Variants in MAX observed in about 807,000 individuals in gnomAD.
The protein encoded by MAX is protein max.
Under a neutral mutation model 22.3 loss-of-function variants are expected in MAX, and 3 were observed. That is an observed-to-expected ratio of 0.13 (90% CI 0.06 to 0.35). The LOEUF (loss-of-function observed/expected upper bound fraction) is 0.35. Among genes scored for constraint, MAX ranks in the 10% least tolerant of loss-of-function variants. The pLI, the probability that MAX is intolerant of heterozygous loss-of-function variation, is 1.00. For synonymous variants in MAX, 72 were observed against 77.7 expected (o/e 0.93, Z 0.39); for missense variants, 119 against 209.4 (o/e 0.57, Z 2.66).
chr14:65,017,215 A>G (rs904800323), intron 3 of MAX, among the ~76,000 whole-genome samples: 1 of 152,158 alleles, frequency 6.6e-6, no homozygotes, highest in African/African-American at 2.4e-5. Flanking sequence ...GAGCCACCAC[A>G]TCCAGCCTCG....
chr14:65,102,275 C>T, intron 1 of MAX, 29 bp downstream of exon 1: 1 of 1,613,430 alleles, frequency 6.2e-7, no homozygotes, highest in Non-Finnish European at 8.5e-7. Flanking sequence ...TGACAACCCG[C>T]ACGGGAAGGA....
Position 65,011,403 on chromosome 14 carries a change from T to C in MAX, c.172-5119A>G, listed in dbSNP as rs2061680693. 7.8e-6 allele frequency among the ~76,000 whole-genome samples: 1 copy of C among 128,654 alleles called. No individual in the cohort carries two copies. Among genetic ancestry groups the C allele is most frequent in the Non-Finnish European group, 1.5e-5 (1 of 65,296 alleles). 84.4% of individuals were successfully genotyped at this position (128,654 alleles called of 152,430 possible). A position where few individuals can be genotyped will look rare whatever the true frequency, so the allele number is the denominator to read the frequency against. On this transcript the variant is annotated intron_variant, in intron 3 of 3. Coordinates refer to the MAX transcript ENST00000341653. This position sits in a 1 kb window ranked among gnomAD's most constrained non-coding sequence, Gnocchi z 4.0. ...GAAATCACACCACTGCACTCCAGCC[T>C]GGGTGACAGAGCGAGACTCCGTCTC...
At chr14:65,040,946 C>G (rs2062338286) in intron 3 of MAX, 1 of 1,609,880 alleles carries the variant, frequency 6.2e-7, no homozygotes, top group East Asian at 2.2e-5. Flanking sequence ...CCATCCCCCT[C>G]TCAGGCCCCA....
chr14:65,006,321 G>A, intron 3 of MAX: 1 of 1,610,158 alleles, frequency 6.2e-7, no homozygotes, highest in Non-Finnish European at 8.5e-7. Flanking sequence ...CAGCTTACTA[G>A]TATAGTCTTT....
rs1412389699 is a variant in MAX, at chr14:65,069,176, G to C, written c.171+24532C>G. On this transcript the variant is annotated intron_variant, in intron 3 of 3. Transcript: ENST00000341653. This position sits in a 1 kb window ranked among gnomAD's most constrained non-coding sequence, Gnocchi z 4.6. The stretch of plus-strand genomic sequence containing the variant: ...CCTGGATACCAAGGGACCAGTGAAA[G>C]TGGTGGAATAGAATCGTGACCCAAC... Among the ~76,000 whole-genome samples the C allele has an allele frequency of 6.6e-6, 1 of 152,216 alleles. No individual in the cohort carries two copies. The highest frequency in any genetic ancestry group is 1.5e-5 in the Non-Finnish European group (1 of 68,026).
At chr14:65,026,614 C>T (rs1180986062) in intron 3 of MAX, among the ~76,000 whole-genome samples, 1 of 152,178 alleles carries the variant, frequency 6.6e-6, no homozygotes, top group Admixed American at 6.5e-5. Flanking sequence ...AATCCCAGCA[C>T]TTGCAGAGGC....
intron 1 of MAX, 100 bp downstream of exon 1, chr14:65,102,204 G>T: frequency 6.4e-7 from 1 of 1,568,990 alleles, no homozygotes; most frequent in Middle Eastern, 1.9e-4. Context: ...GGAAGGAGGC[G>T]GCGGCAGCCC....
chr14:65,044,226 C>T lies in MAX; in HGVS notation c.172-37942G>A, dbSNP rs2062425132. Reference sequence around the variant, plus strand: ...GCCACAAGATGGGAAACCCTCCATCCCACAGATTGACTCCTGGAGATTCTG... The same window carrying T: ...GCCACAAGATGGGAAACCCTCCATCTCACAGATTGACTCCTGGAGATTCTG... On this transcript the variant is annotated intron_variant, in intron 3 of 3. Transcript: ENST00000341653. This position sits in a 1 kb window ranked among gnomAD's most constrained non-coding sequence, Gnocchi z 5.5. 1.9e-6 allele frequency: 3 copies of T among 1,598,956 alleles called. No homozygotes were observed. In the African/African-American group the frequency reaches 4.1e-5, roughly 22 times the overall value.
intron 3 of MAX, among the ~76,000 whole-genome samples, chr14:65,037,005 C>T (rs188586218): frequency 3.4e-4 from 52 of 152,150 alleles, no homozygotes; most frequent in African/African-American, 1.2e-3. Context: ...ATTCATTTTG[C>T]TGGGCACTCG....
At chr14:65,033,117 C>T (rs753882215) in intron 3 of MAX, among the ~76,000 whole-genome samples, 37 of 151,868 alleles carry the variant, frequency 2.4e-4, no homozygotes, top group Admixed American at 3.9e-4. Context: ...CTCATAAGCA[C>T]GAGATGGGTA....
At chr14:65,026,854 C>G (rs1378828661) in intron 3 of MAX, among the ~76,000 whole-genome samples, 1 of 151,556 alleles carries the variant, frequency 6.6e-6, no homozygotes, top group Admixed American at 6.6e-5. Context: ...CGAGGGCAAC[C>G]CCGCCTCAAA....
At chr14:65,039,950 A>T (rs2139621540) in intron 3 of MAX, among the ~76,000 whole-genome samples, 1 of 152,296 alleles carries the variant, frequency 6.6e-6, no homozygotes, top group South Asian at 2.1e-4. Context: ...ACGCTTTGGG[A>T]TGCTGGGGTG....
intron 3 of MAX, among the ~76,000 whole-genome samples, chr14:65,060,869 T>TC (rs1566584840): frequency 2.3e-5 from 1 of 42,966 alleles, no homozygotes; most frequent in Non-Finnish European, 3.7e-5. Context: ...CAAGACTCTC[T>TC]CAAAAAAAAA....
intron 3 of MAX, among the ~76,000 whole-genome samples, chr14:65,051,142 A>G (rs894608299): frequency 3.9e-5 from 6 of 152,160 alleles, no homozygotes; most frequent in Admixed American, 2.6e-4. Context: ...TGTGTCTCTT[A>G]ATGGGTGTTT....
In MAX at chr14:65,014,059, T is replaced by TG. The variant is rs1211699987; in HGVS notation, c.172-7776dup. ...TCCAGGTGGTGGGTTAGCCACAGCT[T>TG]GGGATATCAGCATAGTTTTGAAGAG... On this transcript the variant is annotated intron_variant, in intron 3 of 3. Transcript: ENST00000341653. The surrounding 1 kb of genome is among the most constrained non-coding windows in gnomAD (Gnocchi z 5.1). 1.3e-5 allele frequency among the ~76,000 whole-genome samples: 2 copies of TG among 152,170 alleles called. No homozygotes were observed.
Position 65,059,639 on chromosome 14 carries a change from CCTT to C in MAX, c.171+34066_171+34068del, listed in dbSNP as rs2062816367. The stretch of plus-strand genomic sequence containing the variant: ...TAAAATCTCTCCTGCAGTTGTGTCC[CCTT>C]CTTCATTATCCCACAGTGGGAGAAT... On this transcript the variant is annotated intron_variant, in intron 3 of 3. Transcript: ENST00000341653. Among the ~76,000 whole-genome samples, 3 of 152,120 alleles carry C rather than the reference CCTT, an allele frequency of 2.0e-5. No individual in the cohort carries two copies. The South Asian group carries it at 6.2e-4, about 32-fold the overall frequency.
rs2062040775 is a variant in MAX at position 65,029,495 on chromosome 14, G to A, written c.172-23211C>T. On this transcript the variant is annotated intron_variant, in intron 3 of 3. Transcript: ENST00000341653. This position sits in a 1 kb window ranked among gnomAD's most constrained non-coding sequence, Gnocchi z 4.7. Reference sequence around the variant, plus strand: ...CAGAGATGAGCCTACTCAAGGGTCTGTAGTTCCAGTGTATTGTAAAAAATC... The same window carrying A: ...CAGAGATGAGCCTACTCAAGGGTCTATAGTTCCAGTGTATTGTAAAAAATC... 6.6e-6 allele frequency among the ~76,000 whole-genome samples: 1 copy of A among 152,212 alleles called. No individual in the cohort carries two copies. The highest frequency in any genetic ancestry group is 2.1e-4 in the South Asian group (1 of 4,836).
chr14:65,087,452 C>T (rs912802631), intron 3 of MAX, among the ~76,000 whole-genome samples: 2 of 152,220 alleles, frequency 1.3e-5, no homozygotes, highest in African/African-American at 4.8e-5. Flanking sequence ...TAGAGCTATG[C>T]AAGACCAAAG....
At chr14:65,045,479 G>A (rs927303418) in intron 3 of MAX, among the ~76,000 whole-genome samples, 2 of 131,662 alleles carry the variant, frequency 1.5e-5, no homozygotes, top group Non-Finnish European at 1.5e-5. Flanking sequence ...GCAGTGGCAC[G>A]ATCTTGGCTC....
Sources: allele counts gnomAD v4.1 joint callset (sites outside exome capture counted in the v4.1 genomes callset), GRCh38; gene constraint gnomAD v4.1.1; non-coding constraint Gnocchi (gnomAD v3.1); transcripts MANE v1.5; gene names NCBI Gene and HGNC (gene_info 2026-07-23, HGNC 2026-07-21).